Variants in CLEC2A observed in about 807,000 individuals in gnomAD.
CLEC2A encodes the protein C-type lectin domain family 2 member A, also known as keratinocyte-associated C-type lectin.
A neutral mutation model predicts 18.6 loss-of-function variants in CLEC2A; 19 were observed. The ratio of observed to expected loss-of-function variants is 1.02; its 90% CI spans 0.71 to 1.50. The LOEUF (loss-of-function observed/expected upper bound fraction) is 1.50. Ranked by LOEUF, CLEC2A falls within the 40% of genes most tolerant of loss-of-function variation. CLEC2A has a pLI of 0.00. For missense variants in CLEC2A, 190 were observed against 207.9 expected (o/e 0.91, Z 0.53); for synonymous variants, 74 against 64.0 (o/e 1.16, Z -0.75).
the CLEC2A span, among the ~76,000 whole-genome samples, chr12:9,880,331 C>T: frequency 0.1 from 15,418 of 152,094 alleles, 1,140 homozygotes; most frequent in East Asian, 0.34. Context: ...GCAGAATGGA[C>T]GCGGCGTGTG....
the CLEC2A span, among the ~76,000 whole-genome samples, chr12:9,891,245 A>T: frequency 6.7e-6 from 1 of 148,358 alleles, no homozygotes; most frequent in Admixed American, 6.8e-5. Flanking sequence ...TGTTATTATT[A>T]TCTAAAGCAT....
downstream of CLEC2A, among the ~76,000 whole-genome samples, chr12:9,894,126 T>TTCTC (rs141327204): frequency 0.39 from 50,061 of 129,998 alleles, 10,531 homozygotes; most frequent in Non-Finnish European, 0.49. Flanking sequence ...TTTCTTTTCT[T>TTCTC]TCTCTCTCTC....
intron 4 of CLEC2A, among the ~76,000 whole-genome samples, chr12:9,902,298 A>G (rs1335798604): frequency 2.0e-5 from 3 of 150,916 alleles, no homozygotes; most frequent in East Asian, 3.9e-4. Flanking sequence ...TAGTCACACA[A>G]TCTCGGCTGA....
chr12:9,915,484 A>C (rs1863056490), intron 4 of CLEC2A, among the ~76,000 whole-genome samples: 1 of 152,246 alleles, frequency 6.6e-6, no homozygotes, highest in South Asian at 2.1e-4. Context: ...TGGTTAAAAA[A>C]AAATGTGGTA....
rs1232471663 is a variant in CLEC2A at position 9,932,368 on chromosome 12, T to C, written c.-39A>G. The C allele has an allele frequency of 6.5e-7, 1 of 1,549,144 alleles. No individual in the cohort carries two copies. Among genetic ancestry groups the C allele is most frequent in the African/African-American group, 1.4e-5 (1 of 72,954 alleles). ...CCGATGGAGATCAGTAGGAGAGGAC[T>C]AGAAAGCTTTTCATGTACATCACTT... On this transcript the variant is annotated 5_prime_UTR_variant, in exon 1 of 5. Transcript: ENST00000455827.
At chr12:9,889,847 T>C in the CLEC2A span, among the ~76,000 whole-genome samples, 2 of 152,090 alleles carry the variant, frequency 1.3e-5, no homozygotes, top group Admixed American at 6.6e-5. Flanking sequence ...TTATATGCTA[T>C]ATCAATATAT....
intron 2 of CLEC2A, among the ~76,000 whole-genome samples, chr12:9,922,601 G>A (rs1863192760): frequency 6.6e-6 from 1 of 152,186 alleles, no homozygotes; most frequent in Non-Finnish European, 1.5e-5. Flanking sequence ...AGAAATGGAG[G>A]CTTTCCTTTA....
At chr12:9,916,951 T>A (rs538604121) in intron 3 of CLEC2A, 148 bp from the exon 4 acceptor site, 89 of 556,854 alleles carry the variant, frequency 1.6e-4, no homozygotes, top group Non-Finnish European at 2.7e-4. Flanking sequence ...AGCACAGATG[T>A]TGATGTTTGG....
chr12:9,908,983 C>G (rs1055734980), downstream of CLEC2A, among the ~76,000 whole-genome samples: 1 of 152,134 alleles, frequency 6.6e-6, no homozygotes, highest in African/African-American at 2.4e-5. Flanking sequence ...TCACATATAC[C>G]TTTTGAGTTT....
the CLEC2A span, among the ~76,000 whole-genome samples, chr12:9,880,082 C>A: frequency 1.3e-5 from 2 of 152,098 alleles, no homozygotes; most frequent in Non-Finnish European, 1.5e-5. Context: ...GGAATAGATG[C>A]CACACTACAG....
chr12:9,905,668 C>G (rs577417427), intron 4 of CLEC2A, among the ~76,000 whole-genome samples: 1 of 152,290 alleles, frequency 6.6e-6, no homozygotes, highest in South Asian at 2.1e-4. Flanking sequence ...ATTCTTTCTA[C>G]TCTTCCTGAT....
chr12:9,901,640 A>T (rs7297200), intron 4 of CLEC2A, among the ~76,000 whole-genome samples: 19,372 of 152,156 alleles, frequency 0.13, 1,966 homozygotes, highest in East Asian at 0.34. Flanking sequence ...CTGAAGTATT[A>T]GAAAAGCCAG....
intron 2 of CLEC2A, among the ~76,000 whole-genome samples, chr12:9,925,638 G>T (rs941917659): frequency 7.4e-6 from 1 of 134,932 alleles, no homozygotes; most frequent in Non-Finnish European, 1.6e-5. Flanking sequence ...CAAGCCCATA[G>T]AACTGATGTT....
downstream of CLEC2A, among the ~76,000 whole-genome samples, chr12:9,897,034 A>G (rs1862764417): frequency 6.6e-6 from 1 of 151,684 alleles, no homozygotes; most frequent in South Asian, 2.1e-4. Context: ...TAATTTTTGT[A>G]TTTTTAGTAG....
At chr12:9,878,922 G>A in the CLEC2A span, among the ~76,000 whole-genome samples, 1 of 152,150 alleles carries the variant, frequency 6.6e-6, no homozygotes, top group Non-Finnish European at 1.5e-5. Context: ...ATGCTTTTGT[G>A]AGGGAACCTG....
chr12:9,921,803 T>G (rs1372571945), intron 3 of CLEC2A, among the ~76,000 whole-genome samples: 1 of 152,162 alleles, frequency 6.6e-6, no homozygotes, highest in Non-Finnish European at 1.5e-5. Context: ...TTACTATTCA[T>G]TAAGTGGAAG....
the CLEC2A span, among the ~76,000 whole-genome samples, chr12:9,889,367 T>G: frequency 6.6e-6 from 1 of 152,158 alleles, no homozygotes. Context: ...AAGATATTTT[T>G]TAGATGAAAT....
chr12:9,914,616 G>A (rs1003603325), intron 4 of CLEC2A, among the ~76,000 whole-genome samples: 4 of 152,240 alleles, frequency 2.6e-5, no homozygotes, highest in East Asian at 3.9e-4. Flanking sequence ...AATGGGGGAA[G>A]GATTCTCTAT....
chr12:9,919,011 AC>A (rs1374858188), intron 3 of CLEC2A, among the ~76,000 whole-genome samples: 1 of 152,094 alleles, frequency 6.6e-6, no homozygotes, highest in Non-Finnish European at 1.5e-5. Context: ...TTGCGCTTGG[AC>A]GTATTTGTCA....
Sources: allele counts gnomAD v4.1 joint callset (sites outside exome capture counted in the v4.1 genomes callset), GRCh38; gene constraint gnomAD v4.1.1; transcripts MANE v1.5; gene names NCBI Gene and HGNC (gene_info 2026-07-23, HGNC 2026-07-21).